The following ARHGAP24 variants were observed in gnomAD, a reference collection of about 807,000 sequenced individuals.
ARHGAP24 encodes rho GTPase-activating protein 24.
In ARHGAP24, 50 loss-of-function variants were observed where a neutral mutation model predicts 76.4. The observed-to-expected ratio is 0.65, with a 90% confidence interval of 0.52 to 0.83. The LOEUF (loss-of-function observed/expected upper bound fraction) is 0.83. Among genes scored for constraint, ARHGAP24 ranks in the 40% least tolerant of loss-of-function variants. The probability of loss-of-function intolerance (pLI) is 0.00; values close to 1 mark genes in which losing one functional copy is unlikely to be tolerated. For synonymous variants in ARHGAP24, 345 were observed against 323.3 expected, an observed-to-expected ratio of 1.07 and a Z score of -0.72; for missense variants, 930 against 914.2, an observed-to-expected ratio of 1.02 and a Z score of -0.22.
Position 85,903,882 on chromosome 4 carries a change from G to A in ARHGAP24, c.269-19766G>A, listed in dbSNP as rs530172374. On this transcript the variant is annotated intron_variant, in intron 3 of 9. Coordinates refer to ENST00000395184, the MANE Select transcript of ARHGAP24 (RefSeq NM_001025616.3). ...TGATTTGCAAAGAAAAGTTTCATAA[G>A]GAAGTATGTAAGGGATTCTCTGTAT... Among the ~76,000 whole-genome samples the A allele has an allele frequency of 1.6e-4, 25 of 152,188 alleles. 1 individual carries two copies. The South Asian group carries it at 5.2e-3, about 32-fold the overall frequency.
At chr4:85,516,543 G>T (rs1466488) in intron 1 of ARHGAP24, among the ~76,000 whole-genome samples, 73,348 of 151,588 alleles carry the variant, frequency 0.48, 19,313 homozygotes, top group East Asian at 0.79. Context: ...CTTATTTTGA[G>T]AATTGCATAT....
At chr4:85,924,869 G>A (rs1735930515) in intron 4 of ARHGAP24, 1 of 152,128 alleles carries the variant, frequency 6.6e-6, no homozygotes, top group Admixed American at 6.5e-5. Flanking sequence ...TTCCTAACCA[G>A]GATGACCATT....
chr4:85,954,171 C>T (rs571937323), intron 5 of ARHGAP24, among the ~76,000 whole-genome samples: 1 of 152,304 alleles, frequency 6.6e-6, no homozygotes, highest in South Asian at 2.1e-4. Context: ...AAAAATCCAT[C>T]ATCTGCTGCT....
At position 85,875,897 on chromosome 4, in the gene ARHGAP24, C is replaced by T. The variant is rs1020755929; in HGVS notation, c.269-47751C>T. ...AGCTGAGACTACAGGCATGTGCCAT[C>T]ATGCCTAGCTAATTTTTTTATTTTT... On this transcript the variant is annotated intron_variant, in intron 3 of 9. Transcript: ENST00000395184. Among the ~76,000 whole-genome samples, 16 of 151,240 alleles carry T rather than the reference C, an allele frequency of 1.1e-4. No individual in the cohort carries two copies. In the East Asian group the frequency reaches 3.1e-3, roughly 29 times the overall value.
At chr4:85,586,833 TG>T (rs1727883005) in intron 2 of ARHGAP24, among the ~76,000 whole-genome samples, 1 of 152,010 alleles carries the variant, frequency 6.6e-6, no homozygotes, top group Admixed American at 6.6e-5. Context: ...GGGAGGTGGA[TG>T]TTGCGGTGAA....
chr4:85,599,896 T>C (rs1719978259), intron 2 of ARHGAP24, among the ~76,000 whole-genome samples: 1 of 152,164 alleles, frequency 6.6e-6, no homozygotes, highest in Non-Finnish European at 1.5e-5. Context: ...TATTTAACCC[T>C]AAATGTGTGC....
At chr4:85,911,199 T>C (rs1281228612) in intron 3 of ARHGAP24, among the ~76,000 whole-genome samples, 3 of 152,096 alleles carry the variant, frequency 2.0e-5, no homozygotes, top group African/African-American at 7.2e-5. Flanking sequence ...CTGGTTTGGG[T>C]GGCTGCAGTG....
At chr4:85,658,720 C>T (rs1722270986) in intron 2 of ARHGAP24, among the ~76,000 whole-genome samples, 1 of 152,178 alleles carries the variant, frequency 6.6e-6, no homozygotes, top group African/African-American at 2.4e-5. Context: ...TGGGGAATCA[C>T]TCAAGCCATT....
intron 3 of ARHGAP24, among the ~76,000 whole-genome samples, chr4:85,898,187 T>C (rs968263949): frequency 6.6e-6 from 1 of 151,710 alleles, no homozygotes; most frequent in Non-Finnish European, 1.5e-5. Context: ...TTAACTATTA[T>C]TATTTTATTA....
chr4:85,932,435 C>CTTT (rs5860009), intron 4 of ARHGAP24, among the ~76,000 whole-genome samples: 1 of 109,092 alleles, frequency 9.2e-6, no homozygotes, highest in Non-Finnish European at 1.9e-5. Context: ...CTTTAAAGGA[C>CTTT]TTTTTTTTTT....
At position 85,778,597 on chromosome 4, in the gene ARHGAP24, A is replaced by C. The variant is rs886670804; in HGVS notation, c.268+56625A>C. On this transcript the variant is annotated intron_variant, in intron 3 of 9. Transcript: ENST00000395184. ...TCCTGATGAGCTTTCTATGATTCCT[A>C]TTTCTTATTTTGTTTTGTTTTGTTT... 5.7e-6 allele frequency: 5 copies of C among 870,266 alleles called. No individual in the cohort carries two copies. The Middle Eastern group carries it at 1.7e-3, about 304-fold the overall frequency. The allele number at this position is 870,266 out of a possible 1,614,324, so 53.9% of individuals were successfully genotyped here.
At chr4:85,729,702 C>T (rs1368189761) in intron 3 of ARHGAP24, among the ~76,000 whole-genome samples, 2 of 152,150 alleles carry the variant, frequency 1.3e-5, no homozygotes, top group Admixed American at 1.3e-4. Flanking sequence ...TACAGTTGTT[C>T]AACTCTGCCA....
rs1195125967 is a variant in ARHGAP24, at chr4:86,000,580, G to A, written c.2105G>A (p.Arg702Gln). The A allele has an allele frequency of 2.5e-6, 4 of 1,613,260 alleles. No individual in the cohort carries two copies. Among genetic ancestry groups the A allele is most frequent in the African/African-American group, 2.7e-5 (2 of 74,734 alleles). The change falls in exon 10 of 10, where the codon CGA (arginine) becomes CAA (glutamine). Residue 702 changes from arginine (R) to glutamine (Q), a missense_variant. Transcript: ENST00000395184. The part of the protein sequence containing the change: ...KKFTMIEIKM[R>Q]NAERAKEDAE... ...TTCACAATGATAGAAATAAAAATGC[G>A]AAATGCCGAGCGAGCAAAAGAAGAT...
intron 3 of ARHGAP24, among the ~76,000 whole-genome samples, chr4:85,840,217 G>GAACAA (rs1308471944): frequency 2.0e-5 from 3 of 151,824 alleles, no homozygotes; most frequent in Non-Finnish European, 2.9e-5. Context: ...GAAGAGAACA[G>GAACAA]AACAAAACAA....
intron 3 of ARHGAP24, among the ~76,000 whole-genome samples, chr4:85,796,906 G>A (rs1728364739): frequency 6.6e-6 from 1 of 152,090 alleles, no homozygotes. Context: ...AATTCATGTG[G>A]AGGTATCTCA....
rs900386236 is a variant in ARHGAP24 at position 85,699,558 on chromosome 4, T to G, written c.181-22327T>G. Among the ~76,000 whole-genome samples, 3 of 151,966 alleles carry G rather than the reference T, an allele frequency of 2.0e-5. No homozygotes were observed. The East Asian group carries it at 5.8e-4, about 29-fold the overall frequency. ...TTGAGGCTGCAGTGAGCTATGATCA[T>G]GCCACTGCACTCCAGCCTGGGCAAC... is the stretch of plus-strand genomic sequence containing the variant. On this transcript the variant is annotated intron_variant, in intron 2 of 9. Coordinates refer to ENST00000395184, the MANE Select transcript of ARHGAP24 (RefSeq NM_001025616.3).
chr4:85,742,159 G>C (rs1375060352), intron 3 of ARHGAP24, among the ~76,000 whole-genome samples: 2 of 152,168 alleles, frequency 1.3e-5, no homozygotes, highest in Non-Finnish European at 2.9e-5. Flanking sequence ...GCAGGATTTG[G>C]CCACCATGGC....
chr4:85,995,080 A>G lies in ARHGAP24; in HGVS notation c.1426A>G (p.Ser476Gly). 1 of 1,614,108 alleles carries G rather than the reference A, an allele frequency of 6.2e-7. No homozygotes were observed. Among genetic ancestry groups the G allele is most frequent in the Non-Finnish European group, 8.5e-7 (1 of 1,180,016 alleles). Reference protein sequence around the residue: ...KVSGTKMGTHSVQNGTVRMGI... With the variant: ...KVSGTKMGTHGVQNGTVRMGI... ...ATCTGGTACCAAAATGGGCACGCAC[A>G]GTGTACAGAATGGAACGGTGCGCAT... Residue 476 changes from serine (S) to glycine (G), a missense_variant, in exon 9 of 10, where the codon AGT (serine) becomes GGT (glycine). Physicochemically the swap from Ser to Gly is moderately conservative, Grantham distance 56. Coordinates refer to ENST00000395184, the MANE Select transcript of ARHGAP24 (RefSeq NM_001025616.3).
intron 1 of ARHGAP24, among the ~76,000 whole-genome samples, chr4:85,548,128 A>G (rs1219772225): frequency 6.6e-6 from 1 of 152,162 alleles, no homozygotes; most frequent in Non-Finnish European, 1.5e-5. Context: ...AAGCCACTTC[A>G]TATTAGTTTT....
Sources: gnomAD v4.1 joint callset for allele counts (sites outside exome capture counted in the v4.1 genomes callset) on GRCh38, gnomAD v4.1.1 for gene constraint, MANE v1.5 for transcripts, NCBI Gene and HGNC (gene_info 2026-07-23, HGNC 2026-07-21) for gene names.